Variants in CREB5 observed in about 807,000 individuals in gnomAD.
CREB5 encodes the protein cAMP responsive element binding protein 5.
CREB5 carries 19 observed loss-of-function variants against 57.1 expected under a neutral mutation model. The ratio of observed to expected loss-of-function variants is 0.33; its 90% confidence interval spans 0.23 to 0.49. CREB5 has a LOEUF of 0.49. Ranked by LOEUF, CREB5 falls within the 20% of genes least tolerant of loss-of-function variation. CREB5 has a pLI of 0.99. For missense variants in CREB5, 579 were observed against 671.6 expected, an observed-to-expected ratio of 0.86 and a Z score of 1.52; for synonymous variants, 238 against 238.3, an observed-to-expected ratio of 1.00 and a Z score of 0.01.
chr7:28,772,956 A>T (rs1183751784), intron 7 of CREB5, among the ~76,000 whole-genome samples: 1 of 152,172 alleles, frequency 6.6e-6, no homozygotes, highest in Non-Finnish European at 1.5e-5. Flanking sequence ...TCTCAGGTTC[A>T]TTGCTCTAAA....
Position 28,821,000 on chromosome 7 carries a change from A to G in CREB5, c.*1721A>G, listed in dbSNP as rs113648094. 6.6e-6 allele frequency: 1 copy of G among 152,574 alleles called. No individual in the cohort carries two copies. Among genetic ancestry groups the G allele is most frequent in the Non-Finnish European group, 1.5e-5 (1 of 68,022 alleles). 9.5% of individuals were successfully genotyped at this position (152,574 alleles called of 1,614,324 possible). A position where few individuals can be genotyped will look rare whatever the true frequency, so the allele number is the denominator to read the frequency against. On this transcript the variant is annotated 3_prime_UTR_variant, in exon 11 of 11. Coordinates refer to ENST00000357727, the MANE Select transcript of CREB5 (RefSeq NM_182898.4). ...CCTGAACCACAGTCGTGCCTCCTTGAAACAAGCCATTCTACTGTGCTAATG... is the reference window on the plus strand; with the variant it reads ...CCTGAACCACAGTCGTGCCTCCTTGGAACAAGCCATTCTACTGTGCTAATG...
In CREB5 at chr7:28,804,344, C is replaced by T. The variant is rs1404253191; in HGVS notation, c.848C>T (p.Thr283Ile). 6.2e-7 allele frequency: 1 copy of T among 1,613,652 alleles called. No individual in the cohort carries two copies. The highest frequency in any genetic ancestry group is 1.3e-5 in the African/African-American group (1 of 74,856). The stretch of plus-strand genomic sequence containing the variant: ...CACTCGCACCCGCATCAGCACCAGA[C>T]ACTGCCACCCCATCACCCTTACCCA... Reference protein sequence around the residue: ...HMHSHPHQHQTLPPHHPYPHQ... With the variant: ...HMHSHPHQHQILPPHHPYPHQ... Residue 283 changes from threonine (T) to isoleucine (I), a missense_variant, in exon 8 of 11, where the codon ACA becomes ATA. By Grantham distance (89) the Thr-to-Ile change is moderately conservative. Around this residue, in one of 3 missense-constraint regions of CREB5, gnomAD observed 459 missense variants for 515.7 expected, o/e 0.89. Coordinates refer to ENST00000357727, the MANE Select transcript of CREB5 (RefSeq NM_182898.4).
chr7:28,781,347 G>T (rs575697673), intron 7 of CREB5, among the ~76,000 whole-genome samples: 1 of 152,258 alleles, frequency 6.6e-6, no homozygotes, highest in East Asian at 1.9e-4. Context: ...TATTTGAAAG[G>T]CTTCCATGGA....
chr7:28,389,059 A>G (rs1562687307), intron 1 of CREB5, among the ~76,000 whole-genome samples: 1 of 152,218 alleles, frequency 6.6e-6, no homozygotes, highest in East Asian at 1.9e-4. Context: ...GTAATTAAAC[A>G]GCCATCTCTT....
At position 28,487,654 on chromosome 7, in the gene CREB5, A is replaced by G. The variant is rs187044768; in HGVS notation, c.4-521A>G. On this transcript the variant is annotated intron_variant, in intron 1 of 10. Coordinates refer to ENST00000357727, the MANE Select transcript of CREB5 (RefSeq NM_182898.4). ...TAAGCTGGTGCCACAGCTACTTTGT[A>G]GTCCCTTGGGAATGCTGAAGCTTGC... Among the ~76,000 whole-genome samples the G allele has an allele frequency of 1.4e-4, 22 of 152,314 alleles. No individual in the cohort carries two copies. In the East Asian group the frequency reaches 3.9e-3, roughly 27 times the overall value.
intron 7 of CREB5, among the ~76,000 whole-genome samples, chr7:28,765,722 C>T (rs942586917): frequency 6.6e-6 from 1 of 152,188 alleles, no homozygotes; most frequent in African/African-American, 2.4e-5. Flanking sequence ...AGAGGTTTCT[C>T]AGATGTTACA....
intron 7 of CREB5, among the ~76,000 whole-genome samples, chr7:28,735,560 A>G (rs1442520314): frequency 6.6e-6 from 1 of 152,232 alleles, no homozygotes; most frequent in Non-Finnish European, 1.5e-5. Flanking sequence ...AGTTAAACAG[A>G]AAATATAAGG....
rs1046808236 is a variant in CREB5 at position 28,507,469 on chromosome 7, G to A, written c.170-147G>A. 5.6e-5 allele frequency: 52 copies of A among 926,140 alleles called. No individual in the cohort carries two copies. In the African/African-American group the frequency reaches 6.8e-4, roughly 12 times the overall value. 57.4% of individuals were successfully genotyped at this position (926,140 alleles called of 1,614,324 possible). On this transcript the variant is annotated intron_variant, in intron 3 of 10. Transcript: ENST00000357727. ...TTACGGTTTTATTTTCTTGCATATC[G>A]TTATGTTATTTAAAGGGCCAAGAGA...
intron 1 of CREB5, among the ~76,000 whole-genome samples, chr7:28,471,746 T>G (rs576684969): frequency 1.8e-4 from 28 of 152,298 alleles, no homozygotes; most frequent in African/African-American, 6.7e-4. Context: ...CTTGCTATCA[T>G]CACACACTTC....
At chr7:28,503,032 G>A (rs1428590558) in intron 3 of CREB5, among the ~76,000 whole-genome samples, 1 of 152,156 alleles carries the variant, frequency 6.6e-6, no homozygotes, top group Non-Finnish European at 1.5e-5. Flanking sequence ...GCACTTGCTG[G>A]GCTGAAGCTC....
intron 8 of CREB5, among the ~76,000 whole-genome samples, chr7:28,807,950 T>A (rs1437651251): frequency 6.6e-6 from 1 of 152,168 alleles, no homozygotes; most frequent in Non-Finnish European, 1.5e-5. Context: ...GCTCTATGTG[T>A]GGGGGTCTCC....
rs112445118 is a variant in CREB5, at chr7:28,342,713, A to C, written c.-25+43272A>C. 6.3e-3 allele frequency among the ~76,000 whole-genome samples: 965 copies of C among 152,306 alleles called. 5 individuals carry two copies. Among genetic ancestry groups the C allele is most frequent in the African/African-American group, 0.022 (910 of 41,578 alleles). On this transcript the variant is annotated intron_variant, in intron 1 of 9. Coordinates refer to the CREB5 transcript ENST00000396299. ...TCATGCTGGGCCTGTGTGGCCTTGA[A>C]AGGAACAGATTACAGGAGGAAAAAA...
chr7:28,634,757 C>A (rs1798345578), intron 5 of CREB5, among the ~76,000 whole-genome samples: 1 of 152,164 alleles, frequency 6.6e-6, no homozygotes, highest in Non-Finnish European at 1.5e-5. Flanking sequence ...TAGCTCTGGT[C>A]CATCTCACTT....
rs377106460 is a variant in CREB5, at chr7:28,535,313, AGGAG to A, written c.291+27592_291+27595del. The stretch of plus-strand genomic sequence containing the variant: ...AACCAATTTCTTTAGGAAAAGTGAA[AGGAG>A]GGAGGGAGGGAGGGAAGGAAAGAAG... On this transcript the variant is annotated intron_variant, in intron 4 of 10. Coordinates refer to ENST00000357727, the MANE Select transcript of CREB5 (RefSeq NM_182898.4). Among the ~76,000 whole-genome samples the A allele has an allele frequency of 1.0e-4, 13 of 127,078 alleles. No homozygotes were observed. In the South Asian group the frequency reaches 1.2e-3, roughly 11 times the overall value. The allele number at this position is 127,078 out of a possible 152,430, so 83.4% of individuals were successfully genotyped here. A position where few individuals can be genotyped will look rare whatever the true frequency, so the allele number is the denominator to read the frequency against.
intron 1 of CREB5, among the ~76,000 whole-genome samples, chr7:28,372,583 T>C (rs1048880020): frequency 3.3e-5 from 5 of 152,256 alleles, no homozygotes; most frequent in Non-Finnish European, 7.3e-5. Context: ...TATATTTAAC[T>C]GGGACGATAG....
chr7:28,473,801 G>A (rs994990922), intron 1 of CREB5, among the ~76,000 whole-genome samples: 2 of 152,190 alleles, frequency 1.3e-5, no homozygotes, highest in African/African-American at 4.8e-5. Context: ...CGGCTTATTT[G>A]GCCAGATGTT....
intron 1 of CREB5, among the ~76,000 whole-genome samples, chr7:28,454,343 T>A (rs757972145): frequency 1.1e-4 from 17 of 152,148 alleles, no homozygotes; most frequent in Non-Finnish European, 1.8e-4. Flanking sequence ...CTGCCACAGT[T>A]GTAGGTAAAA....
intron 5 of CREB5, among the ~76,000 whole-genome samples, chr7:28,638,288 CACACACGA>C (rs1238840996): frequency 2.6e-5 from 4 of 151,162 alleles, no homozygotes; most frequent in East Asian, 1.9e-4. Flanking sequence ...CACACACACA[CACACACGA>C]ACACACACAC....
chr7:28,513,482 C>G (rs1792804855), intron 4 of CREB5: 1 of 151,746 alleles, frequency 6.6e-6, no homozygotes, highest in South Asian at 2.1e-4. Flanking sequence ...AAAGGAAACA[C>G]TCATTGACAG....
Sources: gnomAD v4.1 joint callset for allele counts (sites outside exome capture counted in the v4.1 genomes callset) on GRCh38, gnomAD v4.1.1 for gene constraint, gnomAD v4.1.1 regional missense constraint, MANE v1.5 for transcripts, NCBI Gene and HGNC (gene_info 2026-07-23, HGNC 2026-07-21) for gene names.